SLC26A11: variants seen among roughly 807,000 people sequenced by gnomAD.
SLC26A11 encodes solute carrier family 26 member 11.
Under a neutral mutation model 62.2 loss-of-function variants are expected in SLC26A11, and 58 were observed. That is an observed-to-expected ratio of 0.93 (90% CI 0.76 to 1.16). The LOEUF (loss-of-function observed/expected upper bound fraction) is 1.16. SLC26A11 is among the 50% of genes most tolerant of loss of function. The pLI is 0.00. For missense variants in SLC26A11, 790 were observed against 794.3 expected (o/e 0.99, Z 0.06); for synonymous variants, 411 against 368.9 (o/e 1.11, Z -1.31).
Position 80,224,310 on chromosome 17 carries a change from AGAGAGT to A in SLC26A11, c.513+975_513+980del, listed in dbSNP as rs1354948416. 4.7e-5 allele frequency among the ~76,000 whole-genome samples: 6 copies of A among 128,040 alleles called. No homozygotes were observed. In the South Asian group the frequency reaches 7.4e-4, roughly 16 times the overall value. 84.0% of individuals were successfully genotyped at this position (128,040 alleles called of 152,430 possible). A position where few individuals can be genotyped will look rare whatever the true frequency, so the allele number is the denominator to read the frequency against. On this transcript the variant is annotated intron_variant, in intron 5 of 17. Coordinates refer to ENST00000361193, the MANE Select transcript of SLC26A11 (RefSeq NM_001166347.2). ...GTGAGTGAGTGTGCGTGTGTGTGTG[AGAGAGT>A]GTGAGTGTGTATGAGTGAGAGTGTG...
intron 11 of SLC26A11, 42 bp downstream of exon 11, chr17:80,245,298 G>A (rs1312582037): frequency 1.4e-5 from 23 of 1,603,662 alleles, no homozygotes; most frequent in African/African-American, 1.3e-4. Context: ...CACGTTGGAC[G>A]CCCTAACGTT....
intron 10 of SLC26A11, among the ~76,000 whole-genome samples, chr17:80,244,271 G>A (rs536008691): frequency 1.3e-5 from 2 of 152,330 alleles, no homozygotes; most frequent in South Asian, 2.1e-4. Flanking sequence ...GCAATGCTGT[G>A]GGCGTGGGCT....
chr17:80,241,762 T>C lies in SLC26A11; in HGVS notation c.986-9T>C. The stretch of plus-strand genomic sequence containing the variant: ...TACTGACCAGGTCTTTACCGTTGGT[T>C]CCCTTTAGCATCTCAGAATAATTAC... On this transcript the variant is annotated splice_polypyrimidine_tract_variant and intron_variant, in intron 9 of 17. Coordinates refer to ENST00000361193, the MANE Select transcript of SLC26A11 (RefSeq NM_001166347.2). 6.2e-7 allele frequency: 1 copy of C among 1,614,202 alleles called. No individual in the cohort carries two copies. Among genetic ancestry groups the C allele is most frequent in the Non-Finnish European group, 8.5e-7 (1 of 1,180,014 alleles).
At chr17:80,231,201 C>A (rs1339118113) in intron 7 of SLC26A11, among the ~76,000 whole-genome samples, 1 of 139,440 alleles carries the variant, frequency 7.2e-6, no homozygotes, top group African/African-American at 2.7e-5. Context: ...TCGCTCTTGT[C>A]CCCCAGGTTG....
rs137973400 is a variant in SLC26A11, at chr17:80,246,606, G to T, written c.1251G>T (p.Pro417=). Residue 417 remains proline, a synonymous_variant, in exon 13 of 18, where the codon CCG becomes CCT. Coordinates refer to ENST00000361193, the MANE Select transcript of SLC26A11 (RefSeq NM_001166347.2). This position sits in a 1 kb window ranked among gnomAD's most constrained non-coding sequence, Gnocchi z 4.4. ...CCGTCATCATCATGGCCGTGGCCCC[G>T]CTGTTCGACACCAAGATCTTCAGGA... The part of the protein sequence containing the change: ...LAAVIIMAVA[P]LFDTKIFRTL... The T allele has an allele frequency of 1.5e-4, 239 of 1,613,870 alleles. No individual in the cohort carries two copies. In the Middle Eastern group the frequency reaches 5.1e-3, roughly 35 times the overall value.
At position 80,222,537 on chromosome 17, in the gene SLC26A11, CT is replaced by C. The variant is rs1375951545; in HGVS notation, c.235-115del. ...CCACCCACAGGGCAGGGCGGTGCAC[CT>C]TTAACCTGGGCCTGGACACAGCTGA... is the stretch of plus-strand genomic sequence containing the variant. On this transcript the variant is annotated intron_variant, in intron 3 of 17. Transcript: ENST00000361193. This position sits in a 1 kb window ranked among gnomAD's most constrained non-coding sequence, Gnocchi z 4.7. The C allele has an allele frequency of 5.4e-6, 6 of 1,119,904 alleles. No individual in the cohort carries two copies. Among genetic ancestry groups the C allele is most frequent in the Non-Finnish European group, 7.8e-6 (6 of 770,966 alleles). 69.4% of individuals were successfully genotyped at this position (1,119,904 alleles called of 1,614,324 possible).
rs564299523 is a variant in SLC26A11, at chr17:80,223,606, A to G, written c.513+269A>G. On this transcript the variant is annotated intron_variant, in intron 5 of 17. Transcript: ENST00000361193. This position sits in a 1 kb window ranked among gnomAD's most constrained non-coding sequence, Gnocchi z 4.6. ...AATTCCATCCCCCTGCTCTTGCCCGAGTTTCCGTGCCAGTGTGCTTGGCTG... is the reference window on the plus strand; with the variant it reads ...AATTCCATCCCCCTGCTCTTGCCCGGGTTTCCGTGCCAGTGTGCTTGGCTG... 3.9e-5 allele frequency among the ~76,000 whole-genome samples: 6 copies of G among 152,152 alleles called. No homozygotes were observed. Among genetic ancestry groups the G allele is most frequent in the Admixed American group, 3.9e-4 (6 of 15,290 alleles).
intron 6 of SLC26A11, 64 bp from the exon 7 acceptor site, chr17:80,227,754 A>C (rs2042449584): frequency 6.4e-7 from 1 of 1,566,276 alleles, no homozygotes; most frequent in Non-Finnish European, 8.7e-7. Context: ...CAGCAGCAGG[A>C]TGCTTGAGTC....
rs752220729 is a variant in SLC26A11, at chr17:80,248,127, T to G, written c.1295-3T>G. Reference sequence around the variant, plus strand: ...GCATTCCTCAGCTGTGCCCTTCTCCTAGGGCTGGACCTGCTGCCCCTGTGC... The same window carrying G: ...GCATTCCTCAGCTGTGCCCTTCTCCGAGGGCTGGACCTGCTGCCCCTGTGC... On this transcript the variant is annotated splice_polypyrimidine_tract_variant and splice_region_variant and intron_variant, in intron 13 of 17. Coordinates refer to ENST00000361193, the MANE Select transcript of SLC26A11 (RefSeq NM_001166347.2). 2 of 1,600,998 alleles carry G rather than the reference T, an allele frequency of 1.2e-6. No individual in the cohort carries two copies. Among genetic ancestry groups the G allele is most frequent in the Admixed American group, 3.3e-5 (2 of 59,890 alleles).
chr17:80,227,994 T>A (rs773638978), intron 7 of SLC26A11, 34 bp downstream of exon 7: 7 of 1,584,838 alleles, frequency 4.4e-6, no homozygotes, highest in Non-Finnish European at 6.0e-6. Context: ...TTATGCAACC[T>A]TGGCTGCAGG....
chr17:80,246,640 C>A lies in SLC26A11; in HGVS notation c.1285C>A (p.Arg429Ser). ...FDTKIFRTLW[R>S]VKRLDLLPLC... is the part of the protein sequence containing the mutation. ...CACCAAGATCTTCAGGACGCTCTGG[C>A]GTGTTAAGAGTACGTCCTTGTCCTA... is the stretch of plus-strand genomic sequence containing the variant. The change falls in exon 13 of 18, where the codon CGT becomes AGT. Residue 429 changes from arginine (R) to serine (S), a missense_variant. Coordinates refer to ENST00000361193, the MANE Select transcript of SLC26A11 (RefSeq NM_001166347.2). The surrounding 1 kb of genome is among the most constrained non-coding windows in gnomAD (Gnocchi z 4.4). The A allele has an allele frequency of 6.2e-7, 1 of 1,613,588 alleles. No homozygotes were observed. The highest frequency in any genetic ancestry group is 8.5e-7 in the Non-Finnish European group (1 of 1,179,848).
At chr17:80,226,714 C>A (rs1038078174) in intron 6 of SLC26A11, among the ~76,000 whole-genome samples, 1 of 152,082 alleles carries the variant, frequency 6.6e-6, no homozygotes, top group Non-Finnish European at 1.5e-5. Flanking sequence ...CCTGCCCTGC[C>A]CCCCCGAAAA....
chr17:80,238,820 G>GTTTTTTTTTTTTTTTTTT (rs1366044421), intron 9 of SLC26A11, among the ~76,000 whole-genome samples: 1 of 87,390 alleles, frequency 1.1e-5, no homozygotes, highest in African/African-American at 4.3e-5. Context: ...AGTTTTTTTT[G>GTTTTTTTTTTTTTTTTTT]TTTTTTGTTT....
intron 14 of SLC26A11, 102 bp from the exon 15 acceptor site, chr17:80,248,473 T>C: frequency 2.2e-6 from 3 of 1,346,228 alleles, no homozygotes; most frequent in South Asian, 1.4e-5. Context: ...CCCGGTCCCC[T>C]GCAGCACACT....
At position 80,225,913 on chromosome 17, in the gene SLC26A11, C is replaced by T. The variant is rs1598796288; in HGVS notation, c.590C>T (p.Thr197Ile). 2.5e-6 allele frequency: 4 copies of T among 1,613,780 alleles called. No homozygotes were observed. The East Asian group carries it at 6.7e-5, about 27-fold the overall frequency. The change falls in exon 6 of 18, where the codon ACC becomes ATC. Residue 197 changes from threonine (T) to isoleucine (I), a missense_variant. Transcript: ENST00000361193. The part of the protein sequence containing the change: ...VYHTFLRIAE[T>I]RVGDAVLGLV... ...CACACCTTCCTCAGGATTGCAGAGACCAGGTACCCCGGGCTTTGTTCCTCC... is the reference window on the plus strand; with the variant it reads ...CACACCTTCCTCAGGATTGCAGAGATCAGGTACCCCGGGCTTTGTTCCTCC...
chr17:80,232,514 C>G (rs1201007003), intron 7 of SLC26A11, among the ~76,000 whole-genome samples: 2 of 152,212 alleles, frequency 1.3e-5, no homozygotes, highest in African/African-American at 4.8e-5. Flanking sequence ...CTTGGCCTCC[C>G]AAAGTGCTGG....
intron 10 of SLC26A11, among the ~76,000 whole-genome samples, chr17:80,243,981 C>A (rs1231752580): frequency 1.3e-5 from 2 of 152,230 alleles, no homozygotes; most frequent in African/African-American, 4.8e-5. Context: ...AGCCTGTGGT[C>A]ACCTTGGGCC....
rs981478346 is a variant in SLC26A11 at position 80,221,051 on chromosome 17, A to G, written c.-78A>G. ...GCGGGTGGAGCCCGCCTTGGTGCGCAGTTGGAAAACCTCGGAGCCCCGCTG... is the reference window on the plus strand; with the variant it reads ...GCGGGTGGAGCCCGCCTTGGTGCGCGGTTGGAAAACCTCGGAGCCCCGCTG... On this transcript the variant is annotated 5_prime_UTR_variant, in exon 2 of 18. Transcript: ENST00000361193. 1 of 152,882 alleles carries G rather than the reference A, an allele frequency of 6.5e-6. No individual in the cohort carries two copies. The highest frequency in any genetic ancestry group is 2.4e-5 in the African/African-American group (1 of 41,430). 9.5% of individuals were successfully genotyped at this position (152,882 alleles called of 1,614,324 possible).
In SLC26A11 at chr17:80,237,614, C is replaced by G. The variant is rs1009951467; in HGVS notation, c.985+20C>G. 1 of 1,606,356 alleles carries G rather than the reference C, an allele frequency of 6.2e-7. No homozygotes were observed. The highest frequency in any genetic ancestry group is 1.7e-5 in the Admixed American group (1 of 58,904). Reference sequence around the variant, plus strand: ...CCTTCGGTAAGACGCCTGTCACCCACACCCCAGGTCTCCCAGTGCGCCGGC... The same window carrying G: ...CCTTCGGTAAGACGCCTGTCACCCAGACCCCAGGTCTCCCAGTGCGCCGGC... On this transcript the variant is annotated intron_variant, in intron 9 of 17. Coordinates refer to ENST00000361193, the MANE Select transcript of SLC26A11 (RefSeq NM_001166347.2).
Sources: allele counts gnomAD v4.1 joint callset (sites outside exome capture counted in the v4.1 genomes callset), GRCh38; gene constraint gnomAD v4.1.1; non-coding constraint Gnocchi (gnomAD v3.1); transcripts MANE v1.5; gene names NCBI Gene and HGNC (gene_info 2026-07-23, HGNC 2026-07-21).